KIAA0825: variants seen among roughly 807,000 people sequenced by gnomAD.
KIAA0825 encodes the protein KIAA0825.
Under a neutral mutation model 147.6 loss-of-function variants are expected in KIAA0825, and 119 were observed. That is an observed-to-expected ratio of 0.81 (90% CI 0.69 to 0.94). KIAA0825 has a LOEUF of 0.94. KIAA0825 is among the 40% of genes least tolerant of loss of function. KIAA0825 has a pLI of 0.00. For synonymous variants in KIAA0825, 470 were observed against 518.1 expected (o/e 0.91, Z 1.26); for missense variants, 1,381 against 1,472.7 (o/e 0.94, Z 1.02).
chr5:94,540,222 G>A (rs1453938779), intron 2 of KIAA0825, among the ~76,000 whole-genome samples: 1 of 152,234 alleles, frequency 6.6e-6, no homozygotes, highest in Non-Finnish European at 1.5e-5. Context: ...TGTGAAGCTA[G>A]TCTTAAGCTG....
chr5:94,307,040 C>T (rs1778789003), intron 20 of KIAA0825, among the ~76,000 whole-genome samples: 1 of 151,788 alleles, frequency 6.6e-6, no homozygotes, highest in African/African-American at 2.4e-5. Flanking sequence ...CTCATTCCCT[C>T]AAGATTCTGA....
At chr5:94,356,410 C>T (rs2150383647) in intron 20 of KIAA0825, among the ~76,000 whole-genome samples, 1 of 151,506 alleles carries the variant, frequency 6.6e-6, no homozygotes, top group South Asian at 2.1e-4. Flanking sequence ...GATCGAGACC[C>T]TCCTGGCTAA....
chr5:94,580,162 G>A (rs1781814474), intron 2 of KIAA0825, among the ~76,000 whole-genome samples: 1 of 152,010 alleles, frequency 6.6e-6, no homozygotes, highest in South Asian at 2.1e-4. Flanking sequence ...TAGAAGGAAT[G>A]GAGTACATTA....
chr5:94,250,984 T>C (rs1775928536), intron 20 of KIAA0825, among the ~76,000 whole-genome samples: 1 of 152,136 alleles, frequency 6.6e-6, no homozygotes, highest in Non-Finnish European at 1.5e-5. Context: ...AATAATTTAA[T>C]TTGGTTCAGA....
At chr5:94,573,972 G>T (rs546492131) in intron 2 of KIAA0825, among the ~76,000 whole-genome samples, 2 of 152,094 alleles carry the variant, frequency 1.3e-5, no homozygotes, top group Admixed American at 6.5e-5. Context: ...TCAGACCTTA[G>T]TCCTCATAAA....
In KIAA0825 at chr5:94,524,063, A is replaced by T; in HGVS notation, c.167T>A (p.Ile56Asn). 2 of 1,609,302 alleles carry T rather than the reference A, an allele frequency of 1.2e-6. No homozygotes were observed. Among genetic ancestry groups the T allele is most frequent in the Non-Finnish European group, 1.7e-6 (2 of 1,177,114 alleles). Residue 56 changes from isoleucine to asparagine, a missense_variant, in exon 4 of 21, where the codon ATT becomes AAT. Coordinates refer to ENST00000682413, the MANE Select transcript of KIAA0825 (RefSeq NM_001145678.3). ...CTGCACACCTGGACATTGTTTGTTA[A>T]TTTCGGACTGTATCTCTTTAATGCA... ...KHCIKEIQSE[I>N]NKQCPGVQLQ... is the part of the protein sequence containing the mutation.
At chr5:94,470,193 T>A (rs956256219) in intron 9 of KIAA0825, 82 bp from the exon 10 acceptor site, 3 of 972,682 alleles carry the variant, frequency 3.1e-6, no homozygotes, top group Non-Finnish European at 4.2e-6. Context: ...TACAAATGGT[T>A]TTGATTATTA....
chr5:94,514,299 A>C (rs1323800289), intron 5 of KIAA0825, among the ~76,000 whole-genome samples: 3 of 152,064 alleles, frequency 2.0e-5, no homozygotes, highest in Non-Finnish European at 4.4e-5. Flanking sequence ...ATTAATGGTA[A>C]TATTTTTTCT....
chr5:94,471,671 C>T lies in KIAA0825; in HGVS notation c.1516G>A (p.Asp506Asn). The T allele has an allele frequency of 6.4e-7, 1 of 1,552,298 alleles. No individual in the cohort carries two copies. Among genetic ancestry groups the T allele is most frequent in the Non-Finnish European group, 8.7e-7 (1 of 1,147,116 alleles). Residue 506 changes from aspartate to asparagine, a missense_variant, in exon 9 of 21, where the codon GAT becomes AAT. Transcript: ENST00000682413. ...TMLPLALACR[D>N]DSFQEIRANL... The stretch of plus-strand genomic sequence containing the variant: ...GCTCTAATTTCCTGAAAAGAATCAT[C>T]TCTGCATGCCAGAGCCAGTGGAAGC...
intron 20 of KIAA0825, among the ~76,000 whole-genome samples, chr5:94,213,058 C>T (rs1444208337): frequency 6.6e-6 from 1 of 152,114 alleles, no homozygotes; most frequent in Non-Finnish European, 1.5e-5. Context: ...ATCCCCATTT[C>T]ATAGATAAGG....
chr5:94,296,317 G>T (rs1216472155), intron 20 of KIAA0825, among the ~76,000 whole-genome samples: 7 of 152,156 alleles, frequency 4.6e-5, no homozygotes, highest in Admixed American at 4.6e-4. Context: ...AGAATTTCAA[G>T]CCAGTGGATC....
chr5:94,349,349 G>A (rs1783377645), intron 20 of KIAA0825, among the ~76,000 whole-genome samples: 1 of 152,150 alleles, frequency 6.6e-6, no homozygotes, highest in South Asian at 2.1e-4. Flanking sequence ...AAAACAGTGA[G>A]GGACTTCAGT....
At chr5:94,226,475 A>C (rs1459859206) in intron 20 of KIAA0825, among the ~76,000 whole-genome samples, 1 of 152,020 alleles carries the variant, frequency 6.6e-6, no homozygotes, top group Non-Finnish European at 1.5e-5. Flanking sequence ...CAAGGATCTG[A>C]AACTAGAAAT....
At chr5:94,548,363 T>G (rs1471461824) in intron 2 of KIAA0825, among the ~76,000 whole-genome samples, 2 of 152,120 alleles carry the variant, frequency 1.3e-5, no homozygotes, top group South Asian at 4.1e-4. Context: ...GGTTATAGGA[T>G]AGTATTTGCA....
intron 20 of KIAA0825, among the ~76,000 whole-genome samples, chr5:94,158,396 G>C (rs67066109): frequency 0.11 from 16,793 of 152,104 alleles, 1,034 homozygotes; most frequent in Middle Eastern, 0.16. Context: ...CACTGCCTCC[G>C]TATGGGGAAA....
In KIAA0825 at chr5:94,484,623, A is replaced by T. The variant is rs528353655; in HGVS notation, c.1132+146T>A. On this transcript the variant is annotated intron_variant, in intron 6 of 20. Transcript: ENST00000682413. ...AAAAATGTGTGCATTTTTATATATA[A>T]TGCATGGTGTGCATTATACCAAATG... 10 of 449,142 alleles carry T rather than the reference A, an allele frequency of 2.2e-5. No homozygotes were observed. The Admixed American group carries it at 2.8e-4, about 13-fold the overall frequency. The allele number at this position is 449,142 out of a possible 1,614,324, so 27.8% of individuals were successfully genotyped here.
At chr5:94,353,035 C>T (rs1347554067) in intron 20 of KIAA0825, among the ~76,000 whole-genome samples, 1 of 152,024 alleles carries the variant, frequency 6.6e-6, no homozygotes, top group African/African-American at 2.4e-5. Flanking sequence ...AGAACTTACT[C>T]ATGTAACCAA....
chr5:94,286,591 C>A (rs1777672850), intron 20 of KIAA0825, among the ~76,000 whole-genome samples: 1 of 151,820 alleles, frequency 6.6e-6, no homozygotes, highest in Admixed American at 6.6e-5. Flanking sequence ...CTTGCTCTGT[C>A]ACCCAGGTTG....
intron 20 of KIAA0825, among the ~76,000 whole-genome samples, chr5:94,288,449 G>C (rs138757353): frequency 5.3e-5 from 8 of 152,232 alleles, no homozygotes; most frequent in African/African-American, 1.9e-4. Flanking sequence ...TGCAATGACG[G>C]GAACAGGCTG....
Sources: gnomAD v4.1 joint callset for allele counts (sites outside exome capture counted in the v4.1 genomes callset) on GRCh38, gnomAD v4.1.1 for gene constraint, MANE v1.5 for transcripts, NCBI Gene and HGNC (gene_info 2026-07-23, HGNC 2026-07-21) for gene names.